SLCO1B1: variants seen among roughly 807,000 people sequenced by gnomAD.
SLCO1B1 encodes the protein OATP-2.
Under a neutral mutation model 70.1 loss-of-function variants are expected in SLCO1B1, and 81 were observed. The ratio of observed to expected loss-of-function variants is 1.16; its 90% CI spans 0.97 to 1.39. The LOEUF (loss-of-function observed/expected upper bound fraction) is 1.39. Ranked by LOEUF, SLCO1B1 falls within the 40% of genes most tolerant of loss-of-function variation. SLCO1B1 has a pLI of 0.00. For missense variants in SLCO1B1, 895 were observed against 799.6 expected (o/e 1.12, Z -1.44); for synonymous variants, 283 against 271.5 (o/e 1.04, Z -0.42).
chr12:21,219,936 A>T lies in SLCO1B1; in HGVS notation c.1683-2364A>T, dbSNP rs374835829. On this transcript the variant is annotated intron_variant, in intron 12 of 14. Transcript: ENST00000256958. ...GCCACCGTGCCTGACTAATTTTTGT[A>T]TTTTTAGTAGGACCTGGTTTTACCA... Among the ~76,000 whole-genome samples the T allele has an allele frequency of 2.1e-4, 32 of 152,084 alleles. No homozygotes were observed. The East Asian group carries it at 5.6e-3, about 27-fold the overall frequency.
chr12:21,177,632 A>C (rs998198538), intron 5 of SLCO1B1, among the ~76,000 whole-genome samples: 4 of 152,118 alleles, frequency 2.6e-5, no homozygotes, highest in African/African-American at 9.7e-5. Context: ...ATATATGTTA[A>C]GAACAAAAAT....
At chr12:21,140,085 T>C (rs1173201155) in intron 1 of SLCO1B1, among the ~76,000 whole-genome samples, 2 of 152,094 alleles carry the variant, frequency 1.3e-5, no homozygotes, top group Non-Finnish European at 2.9e-5. Context: ...TATTGAACAA[T>C]TTACCAAAAT....
intron 11 of SLCO1B1, among the ~76,000 whole-genome samples, chr12:21,209,208 C>G (rs1320421423): frequency 6.6e-6 from 1 of 151,752 alleles, no homozygotes; most frequent in Non-Finnish European, 1.5e-5. Context: ...TCCCTCCCCC[C>G]TCCTCCCACC....
intron 1 of SLCO1B1, among the ~76,000 whole-genome samples, chr12:21,135,972 C>A (rs1459056007): frequency 2.6e-5 from 4 of 152,116 alleles, no homozygotes; most frequent in Admixed American, 6.6e-5. Context: ...GTGGCTGGTA[C>A]CAGTTGTTCC....
chr12:21,132,491 G>A (rs2121016979), intron 1 of SLCO1B1, among the ~76,000 whole-genome samples: 1 of 152,274 alleles, frequency 6.6e-6, no homozygotes, highest in Admixed American at 6.5e-5. Context: ...ATCCTCTCCA[G>A]CACCTGTTGT....
At chr12:21,224,654 G>A (rs1366206696) in intron 13 of SLCO1B1, 68 bp from the exon 14 acceptor site, 16 of 939,188 alleles carry the variant, frequency 1.7e-5, no homozygotes, top group Non-Finnish European at 2.8e-5. Context: ...ATATATCAAT[G>A]TGGAATATCA....
intron 12 of SLCO1B1, among the ~76,000 whole-genome samples, chr12:21,219,766 T>C (rs888430331): frequency 2.0e-5 from 3 of 152,156 alleles, no homozygotes; most frequent in Admixed American, 6.5e-5. Context: ...ATTATATTTA[T>C]TTATTTATTT....
intron 11 of SLCO1B1, among the ~76,000 whole-genome samples, chr12:21,215,793 CTT>C (rs747471577): frequency 3.0e-4 from 46 of 152,036 alleles, no homozygotes; most frequent in Admixed American, 1.5e-3. Context: ...GGTACTCACT[CTT>C]TTTTGTATTT....
chr12:21,167,844 T>C, intron 2 of SLCO1B1, among the ~76,000 whole-genome samples: 1 of 150,034 alleles, frequency 6.7e-6, no homozygotes, highest in East Asian at 2.0e-4. Flanking sequence ...TAAGATGGAG[T>C]CTCGCACTGT....
chr12:21,228,844 G>T (rs1941505031), intron 14 of SLCO1B1, among the ~76,000 whole-genome samples: 1 of 152,070 alleles, frequency 6.6e-6, no homozygotes, highest in Admixed American at 6.6e-5. Flanking sequence ...TCCGGGCTTA[G>T]CTCACACACC....
intron 8 of SLCO1B1, among the ~76,000 whole-genome samples, chr12:21,198,772 G>C (rs12302130): frequency 0.01 from 1,542 of 152,178 alleles, 36 homozygotes; most frequent in South Asian, 0.039. Flanking sequence ...AAAAGTGGAG[G>C]AAATTGCTTC....
chr12:21,196,933 T>C lies in SLCO1B1; in HGVS notation c.728-13T>C. The stretch of plus-strand genomic sequence containing the variant: ...AATGATTTTTGACTGGCTTCTATAA[T>C]TATTTATTCTAGGCACTATCAGGAT... On this transcript the variant is annotated splice_polypyrimidine_tract_variant and intron_variant, in intron 7 of 14. Transcript: ENST00000256958. 6.2e-7 allele frequency: 1 copy of C among 1,609,706 alleles called. No individual in the cohort carries two copies. Among genetic ancestry groups the C allele is most frequent in the Non-Finnish European group, 8.5e-7 (1 of 1,179,002 alleles).
At position 21,219,701 on chromosome 12, in the gene SLCO1B1, TAAATG is replaced by T. The variant is rs143141438; in HGVS notation, c.1682+2405_1682+2409del. On this transcript the variant is annotated intron_variant, in intron 12 of 14. Transcript: ENST00000256958. ...ATGCTGATAATAGGAAAATATGAAGTAAATGAAATGAGTAAATGAAACAAATATGA... is the reference window on the plus strand; with the variant it reads ...ATGCTGATAATAGGAAAATATGAAGTAAATGAGTAAATGAAACAAATATGA... Among the ~76,000 whole-genome samples, 3,452 of 152,192 alleles carry T rather than the reference TAAATG, an allele frequency of 0.023. 335 individuals carry two copies. The East Asian group carries it at 0.33, about 15-fold the overall frequency.
At chr12:21,219,921 C>G (rs1345214554) in intron 12 of SLCO1B1, among the ~76,000 whole-genome samples, 1 of 152,144 alleles carries the variant, frequency 6.6e-6, no homozygotes, top group African/African-American at 2.4e-5. Flanking sequence ...GCCACCGTGC[C>G]TGACTAATTT....
chr12:21,178,473 T>TA (rs4149097), intron 5 of SLCO1B1, 103 bp from the exon 6 acceptor site: 484 of 818,404 alleles, frequency 5.9e-4, no homozygotes, highest in Middle Eastern at 2.3e-3. Context: ...ACTTGTAAAT[T>TA]AAAAAAAAAT....
intron 2 of SLCO1B1, among the ~76,000 whole-genome samples, chr12:21,167,177 T>G (rs982384178): frequency 3.3e-5 from 5 of 152,162 alleles, no homozygotes; most frequent in African/African-American, 7.2e-5. Context: ...ATCTTTATAG[T>G]TTTTTATAAT....
At chr12:21,144,537 A>G (rs1050113072) in intron 2 of SLCO1B1, among the ~76,000 whole-genome samples, 1 of 152,144 alleles carries the variant, frequency 6.6e-6, no homozygotes, top group Non-Finnish European at 1.5e-5. Context: ...AGAGAGGTGG[A>G]TATGCAAGTT....
chr12:21,234,438 G>A (rs958392777), intron 14 of SLCO1B1, among the ~76,000 whole-genome samples: 5 of 152,216 alleles, frequency 3.3e-5, no homozygotes, highest in South Asian at 2.1e-4. Context: ...TGGCTAATTC[G>A]TTAGTCCTAC....
intron 14 of SLCO1B1, among the ~76,000 whole-genome samples, chr12:21,230,612 G>A (rs933613565): frequency 6.6e-6 from 1 of 152,044 alleles, no homozygotes; most frequent in Non-Finnish European, 1.5e-5. Context: ...TTGCAGGTGT[G>A]AGTCACCATG....
Sources: gnomAD v4.1 joint callset for allele counts (sites outside exome capture counted in the v4.1 genomes callset) on GRCh38, gnomAD v4.1.1 for gene constraint, MANE v1.5 for transcripts, NCBI Gene and HGNC (gene_info 2026-07-23, HGNC 2026-07-21) for gene names.